USP10: variants seen among roughly 807,000 people sequenced by gnomAD.
USP10 encodes ubiquitin carboxyl-terminal hydrolase 10.
A neutral mutation model predicts 84.5 loss-of-function variants in USP10; 22 were observed. The ratio of observed to expected loss-of-function variants is 0.26; its 90% CI spans 0.19 to 0.37. The LOEUF is 0.37. Ranked by LOEUF, USP10 falls within the 10% of genes least tolerant of loss-of-function variation. The pLI is 1.00. For missense variants in USP10, 1,019 were observed against 998.9 expected (o/e 1.02, Z -0.27); for synonymous variants, 454 against 387.6 (o/e 1.17, Z -2.01).
intron 11 of USP10, among the ~76,000 whole-genome samples, chr16:84,772,000 C>CT (rs1914504007): frequency 6.6e-6 from 1 of 152,142 alleles, no homozygotes; most frequent in Non-Finnish European, 1.5e-5. Context: ...ACTTCAGGGA[C>CT]CCAAGAGGCT....
chr16:84,770,599 C>T (rs138295986), intron 11 of USP10, among the ~76,000 whole-genome samples: 19,068 of 151,672 alleles, frequency 0.13, 1,282 homozygotes, highest in East Asian at 0.25. Context: ...GGTGAAACCC[C>T]GTCTCTACTA....
intron 1 of USP10, among the ~76,000 whole-genome samples, chr16:84,707,287 C>T (rs1052092991): frequency 1.3e-5 from 2 of 152,212 alleles, no homozygotes; most frequent in African/African-American, 4.8e-5. Context: ...CATTTAGAAA[C>T]TTTAATGTTA....
At chr16:84,703,731 G>A (rs944933608) in intron 1 of USP10, among the ~76,000 whole-genome samples, 11 of 152,200 alleles carry the variant, frequency 7.2e-5, no homozygotes, top group Admixed American at 7.2e-4. Flanking sequence ...GGTCACCTTA[G>A]TGGTTTGTAC....
chr16:84,736,739 G>C (rs1039986682), intron 2 of USP10, among the ~76,000 whole-genome samples: 3 of 152,078 alleles, frequency 2.0e-5, no homozygotes, highest in Non-Finnish European at 4.4e-5. Flanking sequence ...GTGTGGTGTG[G>C]GTGTGTGTGG....
chr16:84,741,050 C>T (rs1225043145), intron 3 of USP10, among the ~76,000 whole-genome samples: 1 of 152,222 alleles, frequency 6.6e-6, no homozygotes, highest in Non-Finnish European at 1.5e-5. Context: ...ACTTTAAAGG[C>T]CCTTACTGGC....
At chr16:84,766,238 C>G (rs1216254201) in intron 10 of USP10, among the ~76,000 whole-genome samples, 1 of 152,242 alleles carries the variant, frequency 6.6e-6, no homozygotes, top group Non-Finnish European at 1.5e-5. Flanking sequence ...GATTTAGAAG[C>G]CAGTTGAGCA....
chr16:84,715,936 C>G (rs1486814776), intron 1 of USP10, among the ~76,000 whole-genome samples: 1 of 152,226 alleles, frequency 6.6e-6, no homozygotes, highest in African/African-American at 2.4e-5. Flanking sequence ...CTCCGTCACA[C>G]CAGCCTGACC....
chr16:84,772,754 A>G (rs1914591739), intron 12 of USP10, 69 bp downstream of exon 12: 6 of 1,576,054 alleles, frequency 3.8e-6, no homozygotes, highest in Non-Finnish European at 5.2e-6. Context: ...TCAACCCTGT[A>G]GCATTTCTTT....
At chr16:84,729,841 T>C (rs1336017117) in intron 1 of USP10, among the ~76,000 whole-genome samples, 1 of 152,214 alleles carries the variant, frequency 6.6e-6, no homozygotes, top group Non-Finnish European at 1.5e-5. Flanking sequence ...ATTTGTCAAG[T>C]GTTAAATGAT....
At chr16:84,748,198 A>T (rs1597359694) in intron 4 of USP10, among the ~76,000 whole-genome samples, 1 of 149,468 alleles carries the variant, frequency 6.7e-6, no homozygotes, top group East Asian at 2.0e-4. Context: ...GTAAGCCTTT[A>T]TATAGATTAC....
chr16:84,723,068 G>A (rs866113051), intron 1 of USP10, among the ~76,000 whole-genome samples: 1 of 151,878 alleles, frequency 6.6e-6, no homozygotes, highest in Admixed American at 6.6e-5. Flanking sequence ...CTTATTTGAG[G>A]GTCAAAGATG....
chr16:84,762,231 T>C (rs1242492324), intron 8 of USP10, among the ~76,000 whole-genome samples: 1 of 152,244 alleles, frequency 6.6e-6, no homozygotes, highest in African/African-American at 2.4e-5. Flanking sequence ...TCCCATGTAG[T>C]TGTCCATCAT....
At position 84,770,645 on chromosome 16, in the gene USP10, G is replaced by A. The variant is rs932764080; in HGVS notation, c.1999-1896G>A. Among the ~76,000 whole-genome samples the A allele has an allele frequency of 3.3e-5, 5 of 151,630 alleles. No homozygotes were observed. The East Asian group carries it at 5.8e-4, about 18-fold the overall frequency. Reference sequence around the variant, plus strand: ...AAGTTAGCCGGGCATGGTGGCAGGCGCCTGTAATCCCAGCTACTCAGGAGG... The same window carrying A: ...AAGTTAGCCGGGCATGGTGGCAGGCACCTGTAATCCCAGCTACTCAGGAGG... On this transcript the variant is annotated intron_variant, in intron 11 of 13. Transcript: ENST00000219473.
At chr16:84,765,446 C>G (rs1362981470) in intron 10 of USP10, among the ~76,000 whole-genome samples, 6 of 151,576 alleles carry the variant, frequency 4.0e-5, no homozygotes, top group African/African-American at 1.5e-4. Flanking sequence ...CCCCTAGGAA[C>G]CACTCTTTTC....
At chr16:84,734,259 C>T (rs1024562300) in intron 2 of USP10, among the ~76,000 whole-genome samples, 6 of 137,946 alleles carry the variant, frequency 4.3e-5, no homozygotes, top group African/African-American at 1.6e-4. Flanking sequence ...TTTTCTTGCT[C>T]GTATTAAAAA....
At chr16:84,709,823 C>G (rs1430166086) in intron 1 of USP10, among the ~76,000 whole-genome samples, 1 of 152,144 alleles carries the variant, frequency 6.6e-6, no homozygotes, top group Non-Finnish European at 1.5e-5. Context: ...GAGGAACTGT[C>G]TCAAAGCCTG....
At chr16:84,709,224 A>G (rs7197496) in intron 1 of USP10, 45,250 of 152,062 alleles carry the variant, frequency 0.3, 7,112 homozygotes, top group East Asian at 0.43. Flanking sequence ...AAACTGAGAG[A>G]TGTTTCCCAA....
chr16:84,744,172 A>G (rs1910947427), intron 3 of USP10, among the ~76,000 whole-genome samples: 1 of 151,970 alleles, frequency 6.6e-6, no homozygotes, highest in African/African-American at 2.4e-5. Context: ...TGTTTTTGGA[A>G]TTAATCAAAT....
At chr16:84,755,194 A>G (rs533123402) in intron 4 of USP10, among the ~76,000 whole-genome samples, 1 of 151,300 alleles carries the variant, frequency 6.6e-6, no homozygotes, top group African/African-American at 2.4e-5. Context: ...TCCTTCCAGT[A>G]TCAGTGCTAA....
Sources: gnomAD v4.1 joint callset for allele counts (sites outside exome capture counted in the v4.1 genomes callset) on GRCh38, gnomAD v4.1.1 for gene constraint, MANE v1.5 for transcripts, NCBI Gene and HGNC (gene_info 2026-07-23, HGNC 2026-07-21) for gene names.